Variants in TEX14 observed in about 807,000 individuals in gnomAD.
The protein encoded by TEX14 is testis expressed 14, intercellular bridge forming factor, also known as inactive serine/threonine-protein kinase TEX14.
Under a neutral mutation model 178.6 loss-of-function variants are expected in TEX14, and 168 were observed. The ratio of observed to expected loss-of-function variants is 0.94; its 90% CI spans 0.83 to 1.07. TEX14 has a LOEUF of 1.07. TEX14 is among the 50% of genes least tolerant of loss of function. The pLI, the probability that TEX14 is intolerant of heterozygous loss-of-function variation, is 0.00. For synonymous variants in TEX14, 626 were observed against 634.1 expected (o/e 0.99, Z 0.19); for missense variants, 1,730 against 1,753.6 (o/e 0.99, Z 0.24).
At position 58,599,468 on chromosome 17, in the gene TEX14, T is replaced by C. The variant is rs2045374672; in HGVS notation, c.1877A>G (p.Tyr626Cys). 1 of 1,614,060 alleles carries C rather than the reference T, an allele frequency of 6.2e-7. No individual in the cohort carries two copies. Among genetic ancestry groups the C allele is most frequent in the Non-Finnish European group, 8.5e-7 (1 of 1,180,006 alleles). ...ATCTTCCAAAATCAAGCAGCCTGAG[T>C]AGATCTCGTTGATTTCGAAACTGCA... The part of the protein sequence containing the change: ...SLCSFEINEI[Y>C]SGCLILEDDI... The change falls in exon 14 of 32, where the codon TAC becomes TGC. Residue 626 changes from tyrosine to cysteine, a missense_variant. Tyr to Cys is a radical substitution (Grantham distance 194). This residue lies in a region of TEX14 where 941 missense variants were observed against 1,072.4 expected (regional missense o/e 0.88). Coordinates refer to ENST00000349033, the MANE Select transcript of TEX14 (RefSeq NM_031272.5).
intron 1 of TEX14, chr17:58,659,235 T>TCCCAAACACAC: frequency 4.1e-6 from 2 of 493,452 alleles, no homozygotes; most frequent in South Asian, 8.5e-5. Flanking sequence ...AGCAAACACA[T>TCCCAAACACAC]AGTAAAAACC....
At chr17:58,631,674 T>C (rs1020283628) in intron 2 of TEX14, 4 of 148,694 alleles carry the variant, frequency 2.7e-5, no homozygotes, top group Non-Finnish European at 4.4e-5. Flanking sequence ...AGAAGAACGG[T>C]CACCAACAGC....
chr17:58,657,590 C>T (rs931149624), intron 1 of TEX14, among the ~76,000 whole-genome samples: 2 of 136,024 alleles, frequency 1.5e-5, no homozygotes, highest in Admixed American at 8.0e-5. Context: ...TCTCGGCTCA[C>T]TGCAGCCTCT....
chr17:58,684,963 CA>C (rs1326842066), intron 1 of TEX14, among the ~76,000 whole-genome samples: 1 of 151,538 alleles, frequency 6.6e-6, no homozygotes, highest in African/African-American at 2.4e-5. Context: ...CTCAGTCCCC[CA>C]AAAAATCATA....
chr17:58,678,479 G>A (rs561112671), intron 1 of TEX14, among the ~76,000 whole-genome samples: 18 of 152,204 alleles, frequency 1.2e-4, no homozygotes, highest in Admixed American at 9.8e-4. Context: ...TATACACCAC[G>A]GAACACTATG....
intron 13 of TEX14, 39 bp downstream of exon 13, chr17:58,601,767 T>C (rs371607613): frequency 4.4e-6 from 7 of 1,593,732 alleles, no homozygotes; most frequent in South Asian, 1.1e-5. Flanking sequence ...CAGAACACAT[T>C]TGTGTCAAAC....
At chr17:58,614,323 C>G (rs771969200) in intron 8 of TEX14, among the ~76,000 whole-genome samples, 10 of 152,122 alleles carry the variant, frequency 6.6e-5, no homozygotes, top group Non-Finnish European at 1.5e-4. Context: ...AACCCTGTCT[C>G]TACTGAAAAT....
At position 58,584,545 on chromosome 17, in the gene TEX14, G is replaced by C. The variant is rs1161855370; in HGVS notation, c.3126C>G (p.Phe1042Leu). 1 of 1,613,996 alleles carries C rather than the reference G, an allele frequency of 6.2e-7. No homozygotes were observed. Among genetic ancestry groups the C allele is most frequent in the Admixed American group, 1.7e-5 (1 of 59,996 alleles). ...QKEQPEHSEA[F>L]QASSDTLVAV... ...CCACCAATGTGTCAGAACTTGCTTG[G>C]AAGGCTTCACTATGCTCTGGTTGCT... The change falls in exon 19 of 32, where the codon TTC (phenylalanine) becomes TTG (leucine). Residue 1042 changes from phenylalanine (F) to leucine (L), a missense_variant. Physicochemically the swap from Phe to Leu is conservative, Grantham distance 22. Transcript: ENST00000349033.
chr17:58,686,233 G>A (rs2047588516), intron 1 of TEX14, among the ~76,000 whole-genome samples: 2 of 152,062 alleles, frequency 1.3e-5, no homozygotes, highest in Non-Finnish European at 2.9e-5. Flanking sequence ...AGCTTCTTAG[G>A]AGGCAAAGGC....
intron 3 of TEX14, among the ~76,000 whole-genome samples, chr17:58,625,074 TTGC>T (rs1295673758): frequency 6.6e-6 from 1 of 152,030 alleles, no homozygotes; most frequent in African/African-American, 2.4e-5. Flanking sequence ...AATATCCTCC[TTGC>T]TGCAAAAACA....
At chr17:58,579,864 C>T (rs1035418161) in intron 19 of TEX14, 133 bp from the exon 20 acceptor site, 1 of 709,528 alleles carries the variant, frequency 1.4e-6, no homozygotes, top group South Asian at 1.8e-5. Context: ...AGAAAAAGCA[C>T]AAACTTGCTT....
intron 3 of TEX14, among the ~76,000 whole-genome samples, chr17:58,625,723 C>CA (rs1307460366): frequency 6.6e-6 from 1 of 152,036 alleles, no homozygotes; most frequent in Non-Finnish European, 1.5e-5. Context: ...CAATATTTAA[C>CA]ATTTGGGAGC....
chr17:58,659,149 G>C (rs768485806), intron 1 of TEX14, among the ~76,000 whole-genome samples: 7 of 150,820 alleles, frequency 4.6e-5, no homozygotes, highest in African/African-American at 1.7e-4. Flanking sequence ...TCAATCACAG[G>C]ACAGAAAAGC....
At position 58,622,957 on chromosome 17, in the gene TEX14, A is replaced by G; in HGVS notation, c.307T>C (p.Trp103Arg). 6.2e-7 allele frequency: 1 copy of G among 1,611,472 alleles called. No homozygotes were observed. Among genetic ancestry groups the G allele is most frequent in the East Asian group, 2.2e-5 (1 of 44,804 alleles). ...VHAAAFSGNQ[W>R]ILSKLLDAGG... is the part of the protein sequence containing the mutation. ...GCATCCAGCAGTTTGCTAAGGATCC[A>G]CTGATTGCCCGAAAATGCTGCTGCA... Residue 103 changes from tryptophan to arginine, a missense_variant, in exon 4 of 32, where the codon TGG becomes CGG. Trp to Arg is a moderately radical substitution (Grantham distance 101). This residue lies in a region of TEX14 where 789 missense variants were observed against 681.2 expected (regional missense o/e 1.16). Transcript: ENST00000349033.
At position 58,556,958 on chromosome 17, in the gene TEX14, A is replaced by G; in HGVS notation, c.*53T>C. ...AAGCAGAAAGAGAAGAAAGGAGCTT[A>G]CAACCAGGACACTCAAACTCAGGCC... is the stretch of plus-strand genomic sequence containing the variant. On this transcript the variant is annotated 3_prime_UTR_variant, in exon 32 of 32. Coordinates refer to ENST00000349033, the MANE Select transcript of TEX14 (RefSeq NM_031272.5). 1 of 1,453,168 alleles carries G rather than the reference A, an allele frequency of 6.9e-7. No individual in the cohort carries two copies. The highest frequency in any genetic ancestry group is 9.7e-7 in the Non-Finnish European group (1 of 1,033,756). The allele number at this position is 1,453,168 out of a possible 1,614,324, so 90.0% of individuals were successfully genotyped here.
At chr17:58,575,387 A>C in intron 21 of TEX14, among the ~76,000 whole-genome samples, 1 of 152,192 alleles carries the variant, frequency 6.6e-6, no homozygotes, top group East Asian at 1.9e-4. Context: ...AAGTGCTAAG[A>C]TTACAGGTGT....
At chr17:58,593,078 T>A (rs1432255455) in intron 15 of TEX14, among the ~76,000 whole-genome samples, 1 of 152,102 alleles carries the variant, frequency 6.6e-6, no homozygotes, top group Non-Finnish European at 1.5e-5. Flanking sequence ...ACACACACAC[T>A]CTTCTTCCAG....
intron 1 of TEX14, among the ~76,000 whole-genome samples, chr17:58,682,622 C>A (rs1025029531): frequency 2.6e-5 from 4 of 152,092 alleles, no homozygotes; most frequent in African/African-American, 9.7e-5. Context: ...TACAGGCCCA[C>A]CTCAGCTTCC....
chr17:58,593,520 A>C (rs1163058650), intron 15 of TEX14, 35 bp downstream of exon 15: 1 of 1,494,728 alleles, frequency 6.7e-7, no homozygotes, highest in Admixed American at 1.7e-5. Context: ...GTCTAAAGGC[A>C]TAGTGACATT....
Sources: gnomAD v4.1 joint callset for allele counts (sites outside exome capture counted in the v4.1 genomes callset) on GRCh38, gnomAD v4.1.1 for gene constraint, gnomAD v4.1.1 regional missense constraint, MANE v1.5 for transcripts, NCBI Gene and HGNC (gene_info 2026-07-23, HGNC 2026-07-21) for gene names.